LYRM4: variants seen among roughly 807,000 people sequenced by gnomAD.
The protein encoded by LYRM4 is LYR motif containing 4.
LYRM4 carries 9 observed loss-of-function variants against 11.7 expected under a neutral mutation model. The observed-to-expected ratio is 0.77, with a 90% CI of 0.46 to 1.34. LYRM4 has a LOEUF of 1.34. LYRM4 is among the 40% of genes most tolerant of loss of function. LYRM4 has a pLI of 0.00. For synonymous variants in LYRM4, 42 were observed against 40.4 expected (o/e 1.04, Z -0.15); for missense variants, 133 against 112.5 (o/e 1.18, Z -0.82).
chr6:5,150,200 G>C (rs1561831895), intron 2 of LYRM4, among the ~76,000 whole-genome samples: 2 of 152,170 alleles, frequency 1.3e-5, no homozygotes, highest in South Asian at 2.1e-4. Context: ...TGGTGAACCA[G>C]GTGTACATTA....
chr6:5,173,603 A>G (rs1759549576), intron 2 of LYRM4, among the ~76,000 whole-genome samples: 1 of 152,238 alleles, frequency 6.6e-6, no homozygotes, highest in Non-Finnish European at 1.5e-5. Context: ...ATTCAACTAA[A>G]TTATGCTTTT....
At chr6:5,205,439 G>C (rs112817034) in intron 2 of LYRM4, among the ~76,000 whole-genome samples, 4 of 150,712 alleles carry the variant, frequency 2.7e-5, no homozygotes, top group African/African-American at 9.9e-5. Flanking sequence ...GACTATCGGG[G>C]GACAGGCTGA....
rs149615467 is a variant in LYRM4, at chr6:5,129,142, C to T, written c.208-19651G>A. Among the ~76,000 whole-genome samples the T allele has an allele frequency of 1.1e-4, 16 of 152,310 alleles. No homozygotes were observed. The East Asian group carries it at 2.7e-3, about 26-fold the overall frequency. ...ACTTGATGGTGTGATCTTCGGACTGCGTCTACCTGCTCCCGCACTCAGCTG... is the reference window on the plus strand; with the variant it reads ...ACTTGATGGTGTGATCTTCGGACTGTGTCTACCTGCTCCCGCACTCAGCTG... On this transcript the variant is annotated intron_variant, in intron 2 of 2. Transcript: ENST00000330636.
chr6:5,260,691 C>T lies in LYRM4; in HGVS notation c.43G>A (p.Ala15Thr). The part of the protein sequence containing the change: ...SRAQVLSLYR[A>T]MLRESKRFSA... ...AAACGCTTGCTCTCTCTCAGCATCG[C>T]CCGGTACAGAGATAACACTTGTGCG... Residue 15 changes from alanine (A) to threonine (T), a missense_variant, in exon 1 of 3, where the codon GCG becomes ACG. Transcript: ENST00000330636. 2 of 1,554,842 alleles carry T rather than the reference C, an allele frequency of 1.3e-6. No individual in the cohort carries two copies. Among genetic ancestry groups the T allele is most frequent in the Non-Finnish European group, 1.7e-6 (2 of 1,150,790 alleles).
chr6:5,069,191 C>CTTTTTGT, the LYRM4 span, among the ~76,000 whole-genome samples: 1 of 152,132 alleles, frequency 6.6e-6, no homozygotes. Flanking sequence ...AGGGCAGCAT[C>CTTTTTGT]TCAAACATTT....
intron 1 of LYRM4, among the ~76,000 whole-genome samples, chr6:5,231,881 A>G (rs1018500168): frequency 9.2e-5 from 14 of 152,236 alleles, no homozygotes; most frequent in Admixed American, 6.5e-4. Flanking sequence ...ATTTCCATGC[A>G]TTACATAATT....
chr6:5,119,013 A>T (rs1263608601), intron 2 of LYRM4, among the ~76,000 whole-genome samples: 1 of 152,226 alleles, frequency 6.6e-6, no homozygotes, highest in Non-Finnish European at 1.5e-5. Context: ...TCAATCTCCA[A>T]TGAAGTGTGG....
chr6:5,154,544 C>T (rs547611018), intron 2 of LYRM4, among the ~76,000 whole-genome samples: 17 of 152,128 alleles, frequency 1.1e-4, no homozygotes, highest in South Asian at 2.1e-4. Flanking sequence ...CGGCCGGGCG[C>T]GGTGGCTCAA....
intron 2 of LYRM4, among the ~76,000 whole-genome samples, chr6:5,154,062 G>C (rs187998704): frequency 6.6e-6 from 1 of 152,096 alleles, no homozygotes; most frequent in East Asian, 1.9e-4. Context: ...CTAAGTTATA[G>C]AGTCAACCAA....
At chr6:5,038,901 A>G in the LYRM4 span, among the ~76,000 whole-genome samples, 8 of 8,224 alleles carry the variant, frequency 9.7e-4, no homozygotes, top group South Asian at 5.1e-3. Context: ...AGGGAGAGGG[A>G]GAGGGAGAGG....
At chr6:5,209,525 A>G (rs1761881767) in intron 2 of LYRM4, among the ~76,000 whole-genome samples, 1 of 152,214 alleles carries the variant, frequency 6.6e-6, no homozygotes. Flanking sequence ...CTGCTGGCGT[A>G]TGCTTTTAAA....
At chr6:5,160,652 ACC>A (rs56951080) in intron 2 of LYRM4, among the ~76,000 whole-genome samples, 1,967 of 147,730 alleles carry the variant, frequency 0.013, 43 homozygotes, top group African/African-American at 0.046. Context: ...TGATTATGAG[ACC>A]CCCCCCCCAG....
intron 2 of LYRM4, among the ~76,000 whole-genome samples, chr6:5,170,490 A>C (rs749928677): frequency 4.2e-5 from 3 of 71,974 alleles, no homozygotes; most frequent in Non-Finnish European, 8.0e-5. Context: ...TCTTTTATTT[A>C]TTTATTTATT....
chr6:5,136,885 C>G, intron 2 of LYRM4: 3 of 946,412 alleles, frequency 3.2e-6, no homozygotes, highest in Non-Finnish European at 3.8e-6. Flanking sequence ...TTAAAGTGTA[C>G]AATTCAATGG....
the LYRM4 span, chr6:5,085,929 C>A: frequency 4.6e-6 from 7 of 1,528,200 alleles, no homozygotes; most frequent in East Asian, 2.5e-5. Context: ...TGAAGCACTT[C>A]AGCGAGGCGG....
the LYRM4 span, among the ~76,000 whole-genome samples, chr6:5,048,218 T>A: frequency 6.6e-6 from 1 of 152,174 alleles, no homozygotes; most frequent in South Asian, 2.1e-4. Flanking sequence ...ATGTGATAAA[T>A]CTTCTTTTCA....
chr6:5,052,484 G>A, the LYRM4 span, among the ~76,000 whole-genome samples: 5,850 of 152,136 alleles, frequency 0.038, 145 homozygotes, highest in South Asian at 0.091. Flanking sequence ...TGTAGAGATA[G>A]CATCTCACTA....
At chr6:5,143,477 G>A (rs1757521406) in intron 2 of LYRM4, among the ~76,000 whole-genome samples, 2 of 152,196 alleles carry the variant, frequency 1.3e-5, no homozygotes, top group Non-Finnish European at 2.9e-5. Flanking sequence ...ACAATAACAG[G>A]ACCTATTATA....
At chr6:5,063,397 G>A in the LYRM4 span, among the ~76,000 whole-genome samples, 1 of 151,462 alleles carries the variant, frequency 6.6e-6, no homozygotes, top group Non-Finnish European at 1.5e-5. Context: ...CCCATTTCCA[G>A]CCCCACAAGC....
Sources: allele counts gnomAD v4.1 joint callset (sites outside exome capture counted in the v4.1 genomes callset), GRCh38; gene constraint gnomAD v4.1.1; transcripts MANE v1.5; gene names NCBI Gene and HGNC (gene_info 2026-07-23, HGNC 2026-07-21).